Variants in PALM2AKAP2 observed in about 807,000 individuals in gnomAD.
The protein encoded by PALM2AKAP2 is PALM2-AKAP2 fusion protein.
In PALM2AKAP2, 37 loss-of-function variants were observed where a neutral mutation model predicts 71.5. The ratio of observed to expected loss-of-function variants is 0.52; its 90% CI spans 0.40 to 0.68. PALM2AKAP2 has a LOEUF of 0.68. Among genes scored for constraint, PALM2AKAP2 ranks in the 30% least tolerant of loss-of-function variants. The pLI is 0.00. For synonymous variants in PALM2AKAP2, 468 were observed against 478.8 expected (o/e 0.98, Z 0.29); for missense variants, 1,224 against 1,191.8 (o/e 1.03, Z -0.40).
intron 3 of PALM2AKAP2, among the ~76,000 whole-genome samples, chr9:109,895,895 A>AG (rs371454802): frequency 2.0e-5 from 3 of 152,264 alleles, no homozygotes; most frequent in African/African-American, 7.2e-5. Flanking sequence ...GCTGAGCATA[A>AG]GGGGGGAAAA....
At chr9:109,831,799 T>A (rs1828307543) in intron 1 of PALM2AKAP2, among the ~76,000 whole-genome samples, 1 of 152,234 alleles carries the variant, frequency 6.6e-6, no homozygotes. Context: ...TATGGAACTC[T>A]ATCTTTCTGA....
intron 3 of PALM2AKAP2, among the ~76,000 whole-genome samples, chr9:109,886,718 A>C (rs1204580497): frequency 1.3e-5 from 2 of 152,150 alleles, no homozygotes; most frequent in Non-Finnish European, 2.9e-5. Flanking sequence ...GAGTTTCTCT[A>C]ATTTGAGGAG....
chr9:110,057,332 T>C (rs1833864716), intron 1 of PALM2AKAP2, among the ~76,000 whole-genome samples: 1 of 151,638 alleles, frequency 6.6e-6, no homozygotes, highest in South Asian at 2.1e-4. Flanking sequence ...AGCTACATAA[T>C]GTCAGGTCAG....
At chr9:109,914,283 C>T (rs1474147019) in intron 3 of PALM2AKAP2, among the ~76,000 whole-genome samples, 1 of 152,196 alleles carries the variant, frequency 6.6e-6, no homozygotes, top group Non-Finnish European at 1.5e-5. Flanking sequence ...GAAGAAAGAA[C>T]TGGAGAAGAA....
chr9:110,104,361 G>A (rs1835067894), intron 1 of PALM2AKAP2, among the ~76,000 whole-genome samples: 2 of 151,888 alleles, frequency 1.3e-5, no homozygotes, highest in Admixed American at 1.3e-4. Flanking sequence ...GTACCTTACT[G>A]GAAGCTACTG....
At chr9:109,767,128 G>A (rs1409075693) in intron 1 of PALM2AKAP2, among the ~76,000 whole-genome samples, 1 of 152,184 alleles carries the variant, frequency 6.6e-6, no homozygotes, top group African/African-American at 2.4e-5. Context: ...ATTTTCTCAA[G>A]TTTAAACTCA....
chr9:109,994,719 C>T (rs890323083), intron 6 of PALM2AKAP2, among the ~76,000 whole-genome samples: 3 of 152,266 alleles, frequency 2.0e-5, no homozygotes, highest in African/African-American at 7.2e-5. Context: ...CTCCCCTCCG[C>T]CACCCCACAC....
At chr9:110,029,295 G>A (rs573149378) in intron 7 of PALM2AKAP2, among the ~76,000 whole-genome samples, 4 of 152,262 alleles carry the variant, frequency 2.6e-5, no homozygotes, top group Non-Finnish European at 5.9e-5. Flanking sequence ...TGGGATATCA[G>A]TGTTAGCCTA....
chr9:109,882,747 A>G (rs1587983035), intron 3 of PALM2AKAP2, among the ~76,000 whole-genome samples: 2 of 152,090 alleles, frequency 1.3e-5, no homozygotes, highest in African/African-American at 4.8e-5. Flanking sequence ...GACTTAAGCT[A>G]TCCTCCGACC....
In PALM2AKAP2 at chr9:110,006,320, C is replaced by CTATCTTTCTTTCTTTCTTTCTTTCTTTT. The variant is rs1238150373; in HGVS notation, c.497-9634_497-9633insTATCTTTCTTTCTTTCTTTCTTTCTTTT. On this transcript the variant is annotated intron_variant, in intron 6 of 9. Coordinates refer to the PALM2AKAP2 transcript ENST00000302798. ...TTCCTTTCCCTCCCTTTCCTTCCTT[C>CTATCTTTCTTTCTTTCTTTCTTTCTTTT]CTTCTCTTTCTTTCTTTCTTTCTTT... 1.8e-3 allele frequency among the ~76,000 whole-genome samples: 150 copies of CTATCTTTCTTTCTTTCTTTCTTTCTTTT among 82,636 alleles called. 3 individuals are homozygous for CTATCTTTCTTTCTTTCTTTCTTTCTTTT. Among genetic ancestry groups the CTATCTTTCTTTCTTTCTTTCTTTCTTTT allele is most frequent in the African/African-American group, 6.3e-3 (141 of 22,286 alleles). 54.2% of individuals were successfully genotyped at this position (82,636 alleles called of 152,430 possible).
chr9:109,765,654 A>G (rs1829140245), intron 1 of PALM2AKAP2: 1 of 152,324 alleles, frequency 6.6e-6, no homozygotes, highest in Non-Finnish European at 1.5e-5. Flanking sequence ...TAAAAGTCTG[A>G]TGTGCAGTCA....
Position 110,134,770 on chromosome 9 carries a change from ACT to A in PALM2AKAP2, c.157-1352_157-1351del, listed in dbSNP as rs559382050. On this transcript the variant is annotated intron_variant, in intron 1 of 3. Transcript: ENST00000374525. ...GAAACCTTAGATAAATGAAAATTACACTCTCTTGCAATTTTGCATTGTCCTAT... is the reference window on the plus strand; with the variant it reads ...GAAACCTTAGATAAATGAAAATTACACTCTTGCAATTTTGCATTGTCCTAT... Among the ~76,000 whole-genome samples the A allele has an allele frequency of 1.3e-3, 192 of 152,142 alleles. 1 individual carries two copies. Among genetic ancestry groups the A allele is most frequent in the African/African-American group, 4.4e-3 (184 of 41,494 alleles).
chr9:109,768,031 A>AGG (rs879631792), intron 1 of PALM2AKAP2, among the ~76,000 whole-genome samples: 36,824 of 107,464 alleles, frequency 0.34, 7,762 homozygotes, highest in African/African-American at 0.55. Flanking sequence ...GAAGGAAGGA[A>AGG]AGAAAAAGAG....
At chr9:109,959,668 A>G (rs1392139928) in intron 6 of PALM2AKAP2, among the ~76,000 whole-genome samples, 1 of 150,294 alleles carries the variant, frequency 6.7e-6, no homozygotes, top group Non-Finnish European at 1.5e-5. Flanking sequence ...AAAAAATCCT[A>G]ATATTTCCAT....
intron 3 of PALM2AKAP2, among the ~76,000 whole-genome samples, chr9:110,161,108 G>A (rs916502409): frequency 7.2e-5 from 11 of 152,078 alleles, no homozygotes; most frequent in Admixed American, 5.9e-4. Context: ...TCTCTCTTAC[G>A]TTCTCACTCG....
chr9:109,715,445 C>T (rs1438518981), intron 1 of PALM2AKAP2, among the ~76,000 whole-genome samples: 4 of 152,152 alleles, frequency 2.6e-5, no homozygotes, highest in African/African-American at 9.7e-5. Flanking sequence ...GCTGGGCAGT[C>T]GTTCAACGTT....
At chr9:109,899,074 T>C (rs761086126) in intron 3 of PALM2AKAP2, among the ~76,000 whole-genome samples, 4 of 152,222 alleles carry the variant, frequency 2.6e-5, no homozygotes, top group Non-Finnish European at 4.4e-5. Flanking sequence ...TTCTGAAATA[T>C]AGGCATTCTT....
chr9:109,691,905 C>CATATATATAT (rs1156872328), intron 1 of PALM2AKAP2, among the ~76,000 whole-genome samples: 14 of 57,272 alleles, frequency 2.4e-4, no homozygotes, highest in East Asian at 8.6e-4. Context: ...TATATATACA[C>CATATATATAT]ACACACATAT....
intron 1 of PALM2AKAP2, among the ~76,000 whole-genome samples, chr9:109,669,274 T>C (rs1309918960): frequency 6.6e-6 from 1 of 152,156 alleles, no homozygotes; most frequent in Non-Finnish European, 1.5e-5. Flanking sequence ...TTCCTTTTTT[T>C]TTCAATGAAT....
Sources: gnomAD v4.1 joint callset for allele counts (sites outside exome capture counted in the v4.1 genomes callset) on GRCh38, gnomAD v4.1.1 for gene constraint, MANE v1.5 for transcripts, NCBI Gene and HGNC (gene_info 2026-07-23, HGNC 2026-07-21) for gene names.